TNFSF8: variants seen among roughly 807,000 people sequenced by gnomAD.
TNFSF8 encodes the protein tumor necrosis factor ligand superfamily member 8.
Under a neutral mutation model 22.0 loss-of-function variants are expected in TNFSF8, and 4 were observed. The ratio of observed to expected loss-of-function variants is 0.18; its 90% CI spans 0.09 to 0.42. The LOEUF (loss-of-function observed/expected upper bound fraction) is 0.42. TNFSF8 is among the 10% of genes least tolerant of loss of function. The pLI is 1.00. For missense variants in TNFSF8, 233 were observed against 281.8 expected (o/e 0.83, Z 1.24); for synonymous variants, 106 against 112.5 (o/e 0.94, Z 0.37).
chr9:114,906,720 T>TA (rs1340812832), intron 2 of TNFSF8, among the ~76,000 whole-genome samples: 1 of 152,216 alleles, frequency 6.6e-6, no homozygotes, highest in Non-Finnish European at 1.5e-5. Context: ...ATTTAAGAAA[T>TA]AAAAATATTT....
intron 3 of TNFSF8, 95 bp from the exon 4 acceptor site, chr9:114,904,420 C>T: frequency 4.1e-6 from 6 of 1,481,466 alleles, no homozygotes; most frequent in Non-Finnish European, 5.4e-6. Context: ...CCATTCAAGA[C>T]CCATGTTTTC....
At chr9:114,926,105 A>T (rs1045429613) in intron 1 of TNFSF8, among the ~76,000 whole-genome samples, 2 of 152,162 alleles carry the variant, frequency 1.3e-5, no homozygotes, top group Admixed American at 6.5e-5. Context: ...TCAACAGTAA[A>T]TCATTTTTTT....
downstream of TNFSF8, among the ~76,000 whole-genome samples, chr9:114,898,013 T>C (rs1827674755): frequency 6.6e-6 from 1 of 152,006 alleles, no homozygotes; most frequent in Non-Finnish European, 1.5e-5. Context: ...CCTATTTTTT[T>C]TTTTTTTGAG....
In TNFSF8 at chr9:114,919,666, C is replaced by T. The variant is rs571288884; in HGVS notation, c.196-1528G>A. ...CTAGAGAGGTGTGAGCGTGTGTATG[C>T]GAAAAAACCAACTTCCTAACCTCTA... is the stretch of plus-strand genomic sequence containing the variant. On this transcript the variant is annotated intron_variant, in intron 1 of 3. Coordinates refer to ENST00000223795, the MANE Select transcript of TNFSF8 (RefSeq NM_001244.4). Among the ~76,000 whole-genome samples, 22 of 152,178 alleles carry T rather than the reference C, an allele frequency of 1.4e-4. No homozygotes were observed. In the South Asian group the frequency reaches 3.5e-3, roughly 24 times the overall value.
intron 2 of TNFSF8, among the ~76,000 whole-genome samples, chr9:114,913,665 G>C (rs988025246): frequency 3.9e-5 from 6 of 152,194 alleles, no homozygotes; most frequent in African/African-American, 1.4e-4. Context: ...AAGCACAAGG[G>C]CTGCAAGGTG....
At chr9:114,924,361 A>G (rs554890045) in intron 1 of TNFSF8, among the ~76,000 whole-genome samples, 9 of 152,340 alleles carry the variant, frequency 5.9e-5, no homozygotes, top group African/African-American at 2.2e-4. Context: ...AGCCATACCT[A>G]TAAGACATTT....
chr9:114,901,998 T>A lies in TNFSF8; in HGVS notation c.*1933A>T, dbSNP rs1204595254. ...TGGAGTCCTACTCCTTTTCTCTCCT[T>A]CTTGAGAAAAATGCAAATTTTGCTC... is the stretch of plus-strand genomic sequence containing the variant. On this transcript the variant is annotated 3_prime_UTR_variant, in exon 4 of 4. Transcript: ENST00000223795. 1 of 985,318 alleles carries A rather than the reference T, an allele frequency of 1.0e-6. No individual in the cohort carries two copies. 61.0% of individuals were successfully genotyped at this position (985,318 alleles called of 1,614,324 possible). A position where few individuals can be genotyped will look rare whatever the true frequency, so the allele number is the denominator to read the frequency against.
chr9:114,925,293 T>C (rs970740457), intron 1 of TNFSF8, among the ~76,000 whole-genome samples: 2 of 152,180 alleles, frequency 1.3e-5, no homozygotes, highest in Non-Finnish European at 2.9e-5. Context: ...GCAGTTTCTA[T>C]AGCATGCTCA....
chr9:114,901,355 T>C lies in TNFSF8; in HGVS notation c.*2576A>G. 1.0e-6 allele frequency: 1 copy of C among 985,440 alleles called. No homozygotes were observed. Among genetic ancestry groups the C allele is most frequent in the Non-Finnish European group, 1.2e-6 (1 of 829,920 alleles). 61.0% of individuals were successfully genotyped at this position (985,440 alleles called of 1,614,324 possible). On this transcript the variant is annotated 3_prime_UTR_variant, in exon 4 of 4. Transcript: ENST00000223795. ...TTTGTTTGTTTGGTTACATTATTCA[T>C]TTAAATGATGTACCCCTTGTGTCTT...
At chr9:114,907,808 G>A (rs533492006) in intron 2 of TNFSF8, among the ~76,000 whole-genome samples, 5 of 152,110 alleles carry the variant, frequency 3.3e-5, no homozygotes, top group African/African-American at 7.2e-5. Flanking sequence ...ACAATAACAC[G>A]ATAAGAGAGG....
In TNFSF8 at chr9:114,894,329, G is replaced by A. The variant is rs72756563; in HGVS notation, c.410-165C>T. Among the ~76,000 whole-genome samples, 701 of 144,468 alleles carry A rather than the reference G, an allele frequency of 4.9e-3. 1 individual carries two copies. Among genetic ancestry groups the A allele is most frequent in the Non-Finnish European group, 8.4e-3 (560 of 67,022 alleles). The allele number at this position is 144,468 out of a possible 152,430, so 94.8% of individuals were successfully genotyped here. A position where few individuals can be genotyped will look rare whatever the true frequency, so the allele number is the denominator to read the frequency against. On this transcript the variant is annotated intron_variant, in intron 4 of 4. Coordinates refer to the TNFSF8 transcript ENST00000618336. ...TTTAGACAGAAGTGAGAATATCAAG[G>A]TCCAGGTTGCATGTCTAATTTAGCG...
At position 114,901,260 on chromosome 9, in the gene TNFSF8, GT is replaced by G; in HGVS notation, c.*2670del. 1 of 985,348 alleles carries G rather than the reference GT, an allele frequency of 1.0e-6. No individual in the cohort carries two copies. Among genetic ancestry groups the G allele is most frequent in the Non-Finnish European group, 1.2e-6 (1 of 829,910 alleles). 61.0% of individuals were successfully genotyped at this position (985,348 alleles called of 1,614,324 possible). ...TAACCCTCAAGAGTAACAGAATTTA[GT>G]TTTAAACTTCCTGGGTTGCCTACTC... On this transcript the variant is annotated 3_prime_UTR_variant, in exon 4 of 4. Coordinates refer to ENST00000223795, the MANE Select transcript of TNFSF8 (RefSeq NM_001244.4).
intron 2 of TNFSF8, among the ~76,000 whole-genome samples, chr9:114,908,252 C>G (rs1022436365): frequency 6.6e-6 from 1 of 152,196 alleles, no homozygotes; most frequent in Non-Finnish European, 1.5e-5. Context: ...ATTGAATCAC[C>G]TAGTTCATCT....
intron 3 of TNFSF8, among the ~76,000 whole-genome samples, chr9:114,905,080 T>G (rs1827768313): frequency 6.6e-6 from 1 of 152,220 alleles, no homozygotes. Context: ...TCCTAACACG[T>G]GAAAATTAGC....
Position 114,918,137 on chromosome 9 carries a change from T to C in TNFSF8, c.197A>G (p.Asp66Gly). ...TIMVLVVQRTDSIPNSPDNVP... is the reference protein window; with the variant it reads ...TIMVLVVQRTGSIPNSPDNVP... ...GTTGTCAGGTGAGTTGGGAATGGAG[T>C]CCTGGAAGAAAAGAAAGAAAAAAGC... Residue 66 changes from aspartate to glycine, a missense_variant and splice_region_variant, in exon 2 of 4, where the codon GAC becomes GGC. Coordinates refer to ENST00000223795, the MANE Select transcript of TNFSF8 (RefSeq NM_001244.4). 6.2e-7 allele frequency: 1 copy of C among 1,603,824 alleles called. No individual in the cohort carries two copies. The highest frequency in any genetic ancestry group is 1.1e-5 in the South Asian group (1 of 89,220).
At chr9:114,901,056 G>C (rs1036671478), downstream of TNFSF8, 5 of 984,884 alleles carry the variant, frequency 5.1e-6, no homozygotes, top group Middle Eastern at 5.2e-4. Context: ...TGTGTGTGTG[G>C]TGGGGAGGTG....
rs1282440389 is a variant in TNFSF8, at chr9:114,904,136, T to A, written c.500A>T (p.His167Leu). Residue 167 changes from histidine to leucine, a missense_variant, in exon 4 of 4, where the codon CAT becomes CTT. Transcript: ENST00000223795. The part of the protein sequence containing the change: ...DLKLELLINK[H>L]IKKQALVTVC... Reference sequence around the variant, plus strand: ...TGTCACCAGGGCCTGTTTTTTGATATGCTTGTTGATGAGAAGCTCCAACTT... The same window carrying A: ...TGTCACCAGGGCCTGTTTTTTGATAAGCTTGTTGATGAGAAGCTCCAACTT... 4.3e-6 allele frequency: 7 copies of A among 1,614,126 alleles called. No homozygotes were observed. The highest frequency in any genetic ancestry group is 5.9e-6 in the Non-Finnish European group (7 of 1,179,986).
chr9:114,921,609 A>G (rs1293292471), intron 1 of TNFSF8, among the ~76,000 whole-genome samples: 1 of 152,228 alleles, frequency 6.6e-6, no homozygotes, highest in Non-Finnish European at 1.5e-5. Flanking sequence ...GTATTACACT[A>G]AGTGTTGTTC....
At chr9:114,914,680 T>C (rs943982559) in intron 2 of TNFSF8, among the ~76,000 whole-genome samples, 1 of 152,272 alleles carries the variant, frequency 6.6e-6, no homozygotes, top group Non-Finnish European at 1.5e-5. Context: ...TTCATCCTCA[T>C]GGTGGCTTCA....
Sources: gnomAD v4.1 joint callset for allele counts (sites outside exome capture counted in the v4.1 genomes callset) on GRCh38, gnomAD v4.1.1 for gene constraint, MANE v1.5 for transcripts, NCBI Gene and HGNC (gene_info 2026-07-23, HGNC 2026-07-21) for gene names.